ARHGAP30: variants seen among roughly 807,000 people sequenced by gnomAD.
ARHGAP30 encodes the protein rho GTPase-activating protein 30.
A neutral mutation model predicts 72.0 loss-of-function variants in ARHGAP30; 23 were observed. That is an observed-to-expected ratio of 0.32 (90% CI 0.23 to 0.45). The LOEUF (loss-of-function observed/expected upper bound fraction) is 0.45. Among genes scored for constraint, ARHGAP30 ranks in the 20% least tolerant of loss-of-function variants. The probability of loss-of-function intolerance (pLI) is 1.00; values close to 1 mark genes in which losing one functional copy is unlikely to be tolerated. For missense variants in ARHGAP30, 1,319 were observed against 1,383.4 expected (o/e 0.95, Z 0.74); for synonymous variants, 576 against 528.2 (o/e 1.09, Z -1.24).
chr1:161,051,875 C>T (rs940284771), intron 9 of ARHGAP30, among the ~76,000 whole-genome samples, 160 bp from the exon 10 acceptor site: 14 of 152,270 alleles, frequency 9.2e-5, no homozygotes, highest in Middle Eastern at 3.4e-3. Flanking sequence ...CTACTGCAAA[C>T]TTTTCACCCA....
intron 6 of ARHGAP30, 81 bp from the exon 7 acceptor site, chr1:161,052,878 G>T: frequency 2.7e-6 from 4 of 1,508,862 alleles, no homozygotes; most frequent in South Asian, 1.2e-5. Context: ...ATCACCCCTC[G>T]CCAACTACCA....
chr1:161,062,057 C>G (rs773500194), intron 1 of ARHGAP30, among the ~76,000 whole-genome samples: 17 of 152,056 alleles, frequency 1.1e-4, no homozygotes, highest in Non-Finnish European at 2.4e-4. Flanking sequence ...CACTGTACTC[C>G]AGCTTTAATG....
Position 161,056,486 on chromosome 1 carries a change from A to AAACATCCCGACGCAGGTC in ARHGAP30, c.229_246dup (p.Asp77_Val82dup), listed in dbSNP as rs1217346041. 3.7e-6 allele frequency: 6 copies of AAACATCCCGACGCAGGTC among 1,613,898 alleles called. No individual in the cohort carries two copies. The highest frequency in any genetic ancestry group is 5.1e-6 in the Non-Finnish European group (6 of 1,180,016). On this transcript the variant is annotated inframe_insertion, in exon 3 of 12. Transcript: ENST00000368013. ...GAGACGCAGTGAATGTCTTGGAGGTAAACATCCCGACGCAGGTCTGGCTTC... is the reference window on the plus strand; with the variant it reads ...GAGACGCAGTGAATGTCTTGGAGGTAAACATCCCGACGCAGGTCAACATCCCGACGCAGGTCTGGCTTC...
intron 1 of ARHGAP30, chr1:161,060,293 G>GA (rs1288934566): frequency 4.9e-6 from 2 of 411,754 alleles, no homozygotes; most frequent in African/African-American, 2.1e-5. Context: ...GAAAGAGAAA[G>GA]AAAGAAATTT....
intron 4 of ARHGAP30, 72 bp from the exon 5 acceptor site, chr1:161,054,545 G>A (rs1223670288): frequency 1.3e-6 from 2 of 1,596,982 alleles, no homozygotes; most frequent in Non-Finnish European, 1.7e-6. Context: ...CCTGGGAGCA[G>A]TAGGACCCAG....
rs1651099841 is a variant in ARHGAP30 at position 161,048,830 on chromosome 1, C to G, written c.2191G>C (p.Ala731Pro). 6.2e-7 allele frequency: 1 copy of G among 1,614,020 alleles called. No homozygotes were observed. Among genetic ancestry groups the G allele is most frequent in the Admixed American group, 1.7e-5 (1 of 59,998 alleles). The part of the protein sequence containing the change: ...KGQKKADSME[A>P]KGVEEPGGDE... Reference sequence around the variant, plus strand: ...CCTCCTGGTTCCTCCACACCTTTAGCCTCCATACTGTCAGCCTTCTTCTGA... The same window carrying G: ...CCTCCTGGTTCCTCCACACCTTTAGGCTCCATACTGTCAGCCTTCTTCTGA... Residue 731 changes from alanine to proline, a missense_variant, in exon 12 of 12, where the codon GCT becomes CCT. Ala to Pro is a conservative substitution (Grantham distance 27, BLOSUM62 -1). Transcript: ENST00000368013.
rs1653037086 is a variant in ARHGAP30, at chr1:161,069,733, G to T, written c.-109C>A. The T allele has an allele frequency of 1.6e-6, 2 of 1,251,256 alleles. No homozygotes were observed. The allele number at this position is 1,251,256 out of a possible 1,614,324, so 77.5% of individuals were successfully genotyped here. A position where few individuals can be genotyped will look rare whatever the true frequency, so the allele number is the denominator to read the frequency against. ...CTGCTGGGCTTGGCCCGGCCCCAGGGGGGCAGGGCTCCCAATTGGGGGTGG... is the reference window on the plus strand; with the variant it reads ...CTGCTGGGCTTGGCCCGGCCCCAGGTGGGCAGGGCTCCCAATTGGGGGTGG... On this transcript the variant is annotated 5_prime_UTR_variant, in exon 1 of 12. Coordinates refer to ENST00000368013, the MANE Select transcript of ARHGAP30 (RefSeq NM_001025598.2). The surrounding 1 kb of genome is among the most constrained non-coding windows in gnomAD (Gnocchi z 4.9).
intron 1 of ARHGAP30, chr1:161,060,192 G>A: frequency 2.2e-6 from 1 of 451,588 alleles, no homozygotes; most frequent in Non-Finnish European, 4.4e-6. Flanking sequence ...GATATGGGAG[G>A]ATCACCTGAG....
chr1:161,060,920 G>A (rs972511931), intron 1 of ARHGAP30, among the ~76,000 whole-genome samples: 3 of 151,986 alleles, frequency 2.0e-5, no homozygotes, highest in African/African-American at 7.2e-5. Flanking sequence ...TGGCCAGGCT[G>A]GTCTTGAACT....
At chr1:161,068,942 GACA>G (rs1320947461) in intron 1 of ARHGAP30, among the ~76,000 whole-genome samples, 2 of 151,942 alleles carry the variant, frequency 1.3e-5, no homozygotes, top group African/African-American at 2.4e-5. Flanking sequence ...TTTGCACAGG[GACA>G]ACAAGAGAAT....
In ARHGAP30 at chr1:161,069,816, G is replaced by C; in HGVS notation, c.-192C>G. 1.5e-5 allele frequency: 9 copies of C among 601,876 alleles called. No individual in the cohort carries two copies. In the South Asian group the frequency reaches 1.8e-4, roughly 12 times the overall value. The allele number at this position is 601,876 out of a possible 1,614,324, so 37.3% of individuals were successfully genotyped here. On this transcript the variant is annotated 5_prime_UTR_variant, in exon 1 of 12. Transcript: ENST00000368013. The surrounding 1 kb of genome is among the most constrained non-coding windows in gnomAD (Gnocchi z 4.9). ...CCCCTGGGGCCCCGGCCACACGGAAGTGGCTGTTGAAGAGGAAGCTACCAG... is the reference window on the plus strand; with the variant it reads ...CCCCTGGGGCCCCGGCCACACGGAACTGGCTGTTGAAGAGGAAGCTACCAG...
intron 6 of ARHGAP30, 77 bp downstream of exon 6, chr1:161,053,181 A>G: frequency 1.9e-6 from 3 of 1,577,660 alleles, no homozygotes; most frequent in Non-Finnish European, 1.7e-6. Flanking sequence ...CAGCTGAAGT[A>G]GGTGATCTTC....
chr1:161,064,180 C>A (rs188937351), intron 1 of ARHGAP30, among the ~76,000 whole-genome samples: 1 of 152,200 alleles, frequency 6.6e-6, no homozygotes, highest in Non-Finnish European at 1.5e-5. Context: ...TGGGGCATCA[C>A]GGATCCTACC....
At chr1:161,052,888 A>C in intron 6 of ARHGAP30, 91 bp from the exon 7 acceptor site, 1 of 1,464,796 alleles carries the variant, frequency 6.8e-7, no homozygotes, top group South Asian at 1.3e-5. Flanking sequence ...GCCAACTACC[A>C]GGTTAGGGAT....
chr1:161,053,574 T>G (rs2102041324), intron 5 of ARHGAP30, among the ~76,000 whole-genome samples, 189 bp from the exon 6 acceptor site: 1 of 151,670 alleles, frequency 6.6e-6, no homozygotes, highest in South Asian at 2.1e-4. Flanking sequence ...CAAATGCCAC[T>G]TGAAGACTTC....
Position 161,049,159 on chromosome 1 carries a change from C to T in ARHGAP30, c.1862G>A (p.Gly621Glu), listed in dbSNP as rs375445197. The T allele has an allele frequency of 5.6e-6, 9 of 1,614,170 alleles. No homozygotes were observed. The African/African-American group carries it at 1.1e-4, about 19-fold the overall frequency. ...SAYDDLSPLL[G>E]PKPPIWKGSG... is the part of the protein sequence containing the mutation. ...ACCCTTCCAGATTGGGGGTTTAGGT[C>T]CCAGAAGGGGACTTAGGTCATCATA... Residue 621 changes from glycine to glutamate, a missense_variant, in exon 12 of 12, where the codon GGA becomes GAA. By Grantham distance (98) the Gly-to-Glu change is moderately conservative. Coordinates refer to ENST00000368013, the MANE Select transcript of ARHGAP30 (RefSeq NM_001025598.2).
rs902087241 is a variant in ARHGAP30, at chr1:161,047,567, C to T, written c.*148G>A. 3 of 785,594 alleles carry T rather than the reference C, an allele frequency of 3.8e-6. No individual in the cohort carries two copies. The highest frequency in any genetic ancestry group is 3.6e-5 in the African/African-American group (2 of 56,218). The allele number at this position is 785,594 out of a possible 1,614,324, so 48.7% of individuals were successfully genotyped here. On this transcript the variant is annotated 3_prime_UTR_variant, in exon 12 of 12. Transcript: ENST00000368013. ...TCAGGTAAACCAACCAAGGCAGTGC[C>T]TCCCACAGTCAAAGAGAGAAGCTGG...
chr1:161,050,057 A>G (rs537404267), intron 10 of ARHGAP30, among the ~76,000 whole-genome samples: 10 of 152,298 alleles, frequency 6.6e-5, no homozygotes, highest in East Asian at 1.9e-4. Flanking sequence ...ACTTAACTCT[A>G]TAGCCCATGT....
intron 5 of ARHGAP30, 77 bp from the exon 6 acceptor site, chr1:161,053,462 TTCTCTCTCTCTCTCTCTCTCTCTCTC>T: frequency 2.8e-5 from 19 of 689,124 alleles, no homozygotes; most frequent in African/African-American, 1.4e-4. Context: ...AAATACCTTA[TTCTCTCTCTCTCTCTCTCTCTCTCTC>T]TCTCTCTCTC....
Sources: gnomAD v4.1 joint callset for allele counts (sites outside exome capture counted in the v4.1 genomes callset) on GRCh38, gnomAD v4.1.1 for gene constraint, Gnocchi (gnomAD v3.1) non-coding constraint, MANE v1.5 for transcripts, NCBI Gene and HGNC (gene_info 2026-07-23, HGNC 2026-07-21) for gene names.